SYNJ2: variants seen among roughly 807,000 people sequenced by gnomAD.
SYNJ2 encodes synaptojanin 2, also known as polyphosphatidylinositol phosphatase SYNJ2.
A neutral mutation model predicts 141.3 loss-of-function variants in SYNJ2; 116 were observed. That is an observed-to-expected ratio of 0.82 (90% CI 0.71 to 0.96). The LOEUF is 0.96. Among genes scored for constraint, SYNJ2 ranks in the 40% least tolerant of loss-of-function variants. SYNJ2 has a pLI of 0.00. For synonymous variants in SYNJ2, 745 were observed against 777.7 expected (o/e 0.96, Z 0.70); for missense variants, 1,873 against 1,934.8 (o/e 0.97, Z 0.60).
At chr6:158,029,097 TGAG>T (rs774589546) in intron 3 of SYNJ2, 71 bp downstream of exon 3, 13 of 674,032 alleles carry the variant, frequency 1.9e-5, no homozygotes, top group Non-Finnish European at 2.5e-5. Context: ...GGTTGGCATC[TGAG>T]GCCTTGACCT....
chr6:158,006,712 G>C (rs966600197), intron 1 of SYNJ2, among the ~76,000 whole-genome samples: 1 of 152,072 alleles, frequency 6.6e-6, no homozygotes, highest in Non-Finnish European at 1.5e-5. Flanking sequence ...TCACTCTGTC[G>C]CCCTGGCTGG....
rs970743528 is a variant in SYNJ2, at chr6:158,097,079, A to G, written c.*715A>G. 4 of 152,652 alleles carry G rather than the reference A, an allele frequency of 2.6e-5. No homozygotes were observed. Among genetic ancestry groups the G allele is most frequent in the Admixed American group, 6.5e-5 (1 of 15,280 alleles). The allele number at this position is 152,652 out of a possible 1,614,324, so 9.5% of individuals were successfully genotyped here. A position where few individuals can be genotyped will look rare whatever the true frequency, so the allele number is the denominator to read the frequency against. On this transcript the variant is annotated 3_prime_UTR_variant, in exon 27 of 27. Coordinates refer to ENST00000355585, the MANE Select transcript of SYNJ2 (RefSeq NM_003898.4). ...GACATTGCATGCCCTATCAATTACTATAATCCTGAGCCATGGTGTGCTACT... is the reference window on the plus strand; with the variant it reads ...GACATTGCATGCCCTATCAATTACTGTAATCCTGAGCCATGGTGTGCTACT...
At position 158,061,989 on chromosome 6, in the gene SYNJ2, C is replaced by T; in HGVS notation, c.955-3C>T. On this transcript the variant is annotated splice_region_variant and splice_polypyrimidine_tract_variant and intron_variant, in intron 7 of 26. Coordinates refer to ENST00000355585, the MANE Select transcript of SYNJ2 (RefSeq NM_003898.4). ...CCTCACCGCCCTCCCCTCCTCTTTT[C>T]AGAAGCTGCTCTGGGCTTCTTGCCA... 6.2e-7 allele frequency: 1 copy of T among 1,613,432 alleles called. No individual in the cohort carries two copies. The highest frequency in any genetic ancestry group is 8.5e-7 in the Non-Finnish European group (1 of 1,179,718).
rs1047352363 is a variant in SYNJ2, at chr6:158,043,200, G to A, written c.712-116G>A. The A allele has an allele frequency of 2.1e-5, 18 of 839,770 alleles. No individual in the cohort carries two copies. The highest frequency in any genetic ancestry group is 1.6e-4 in the East Asian group (6 of 38,556). 52.0% of individuals were successfully genotyped at this position (839,770 alleles called of 1,614,324 possible). Reference sequence around the variant, plus strand: ...GGAGCAGAGGACGCCGGAGTCCACCGTCCGCCCTTCATTCTGGCTGGTGTC... The same window carrying A: ...GGAGCAGAGGACGCCGGAGTCCACCATCCGCCCTTCATTCTGGCTGGTGTC... On this transcript the variant is annotated intron_variant, in intron 4 of 26. Coordinates refer to ENST00000355585, the MANE Select transcript of SYNJ2 (RefSeq NM_003898.4). This position sits in a 1 kb window ranked among gnomAD's most constrained non-coding sequence, Gnocchi z 4.0.
intron 23 of SYNJ2, among the ~76,000 whole-genome samples, chr6:158,088,049 T>TGAGA: frequency 3.9e-5 from 2 of 51,536 alleles, no homozygotes; most frequent in African/African-American, 1.4e-4. Context: ...TTTTTTTTTT[T>TGAGA]TTTTTTTTTT....
intron 1 of SYNJ2, among the ~76,000 whole-genome samples, chr6:158,015,109 C>G (rs774029031): frequency 1.3e-5 from 2 of 152,234 alleles, no homozygotes; most frequent in Non-Finnish European, 2.9e-5. Context: ...GCTTTCTACA[C>G]TTGCCTCTCT....
chr6:158,015,614 A>G (rs757479341), intron 1 of SYNJ2, among the ~76,000 whole-genome samples: 10 of 152,186 alleles, frequency 6.6e-5, no homozygotes, highest in Non-Finnish European at 1.3e-4. Flanking sequence ...CCTGTCACCA[A>G]TTGCAATTAC....
At chr6:158,059,380 C>T (rs1440587712) in intron 7 of SYNJ2, 27 bp downstream of exon 7, 2 of 1,547,668 alleles carry the variant, frequency 1.3e-6, no homozygotes, top group Admixed American at 3.9e-5. Flanking sequence ...CTCTCCACAG[C>T]TGGGCTGGGC....
rs1169394038 is a variant in SYNJ2 at position 158,071,295 on chromosome 6, G to A, written c.1941-307G>A. The stretch of plus-strand genomic sequence containing the variant: ...GCTGGTGGGTGGTGATGTTTGCGCC[G>A]CTCCTGGTGGCAGTGAGAACCTGGG... On this transcript the variant is annotated intron_variant, in intron 14 of 26. Coordinates refer to ENST00000355585, the MANE Select transcript of SYNJ2 (RefSeq NM_003898.4). The surrounding 1 kb of genome is among the most constrained non-coding windows in gnomAD (Gnocchi z 4.3). Among the ~76,000 whole-genome samples the A allele has an allele frequency of 1.3e-4, 20 of 152,226 alleles. No homozygotes were observed. Among genetic ancestry groups the A allele is most frequent in the African/African-American group, 4.3e-4 (18 of 41,452 alleles).
Position 158,033,934 on chromosome 6 carries a change from T to C in SYNJ2, c.711+254T>C, listed in dbSNP as rs79054947. On this transcript the variant is annotated intron_variant, in intron 4 of 26. Coordinates refer to ENST00000355585, the MANE Select transcript of SYNJ2 (RefSeq NM_003898.4). Reference sequence around the variant, plus strand: ...GCTGCTTAGCCGAGGTATTTTTAACTAAACGGAATCAGGAATTTTTGCCTT... The same window carrying C: ...GCTGCTTAGCCGAGGTATTTTTAACCAAACGGAATCAGGAATTTTTGCCTT... Among the ~76,000 whole-genome samples the C allele has an allele frequency of 8.3e-3, 1,269 of 152,334 alleles. 19 individuals carry two copies. The highest frequency in any genetic ancestry group is 0.029 in the African/African-American group (1,200 of 41,566).
chr6:158,000,064 CTTTTTTTTTTTTTTTTTTT>C (rs58284240), intron 1 of SYNJ2, among the ~76,000 whole-genome samples: 17 of 85,600 alleles, frequency 2.0e-4, no homozygotes, highest in East Asian at 6.1e-4. Flanking sequence ...AGCCAAAAGG[CTTTTTTTTTTTTTTTTTTT>C]TTTTTTTTTT....
chr6:158,086,675 TG>T (rs1403499250), intron 22 of SYNJ2, among the ~76,000 whole-genome samples, 179 bp from the exon 23 acceptor site: 1 of 152,204 alleles, frequency 6.6e-6, no homozygotes, highest in Non-Finnish European at 1.5e-5. Context: ...AAGCAGGCAC[TG>T]GGTGCCCTCC....
intron 1 of SYNJ2, among the ~76,000 whole-genome samples, chr6:158,012,944 A>G (rs1778319671): frequency 6.6e-6 from 1 of 152,230 alleles, no homozygotes; most frequent in Admixed American, 6.5e-5. Context: ...TCCCTTCCCC[A>G]GAGAAAACCC....
At chr6:158,035,092 T>G (rs566325956) in intron 4 of SYNJ2, among the ~76,000 whole-genome samples, 1 of 152,324 alleles carries the variant, frequency 6.6e-6, no homozygotes, top group South Asian at 2.1e-4. Flanking sequence ...AGCCCTGTAG[T>G]ATAGTTTGAA....
intron 4 of SYNJ2, among the ~76,000 whole-genome samples, chr6:158,039,095 A>T (rs940073721): frequency 4.6e-5 from 7 of 152,262 alleles, no homozygotes; most frequent in Non-Finnish European, 2.9e-5. Flanking sequence ...GTTCCCCAAA[A>T]GCAAGAAACT....
rs928420988 is a variant in SYNJ2, at chr6:158,097,915, G to A, written c.*1551G>A. 2.6e-5 allele frequency: 4 copies of A among 151,268 alleles called. No individual in the cohort carries two copies. The highest frequency in any genetic ancestry group is 5.9e-5 in the Non-Finnish European group (4 of 67,956). 9.4% of individuals were successfully genotyped at this position (151,268 alleles called of 1,614,324 possible). ...GCATAGTTGACCAGTCATAAAAGGC[G>A]GTGTTTAGGTGATCAGGATGCCGTT... On this transcript the variant is annotated 3_prime_UTR_variant, in exon 27 of 27. Coordinates refer to ENST00000355585, the MANE Select transcript of SYNJ2 (RefSeq NM_003898.4).
At chr6:158,095,148 C>CA (rs776140659) in intron 26 of SYNJ2, among the ~76,000 whole-genome samples, 2,259 of 113,234 alleles carry the variant, frequency 0.02, 19 homozygotes, top group South Asian at 0.028. Flanking sequence ...GACTCCTTCT[C>CA]AAAAAAAAAA....
At chr6:157,984,729 G>T (rs1436713822) in intron 1 of SYNJ2, among the ~76,000 whole-genome samples, 1 of 152,194 alleles carries the variant, frequency 6.6e-6, no homozygotes, top group Non-Finnish European at 1.5e-5. Flanking sequence ...TTACAAGAAG[G>T]CTGCAATCTC....
intron 1 of SYNJ2, among the ~76,000 whole-genome samples, chr6:158,015,988 C>A (rs946923170): frequency 6.6e-5 from 10 of 152,154 alleles, no homozygotes; most frequent in African/African-American, 2.4e-4. Flanking sequence ...ATTTTTGTCC[C>A]CCTTAAAAGA....
Sources: allele counts gnomAD v4.1 joint callset (sites outside exome capture counted in the v4.1 genomes callset), GRCh38; gene constraint gnomAD v4.1.1; non-coding constraint Gnocchi (gnomAD v3.1); transcripts MANE v1.5; gene names NCBI Gene and HGNC (gene_info 2026-07-23, HGNC 2026-07-21).